The following SCARA5 variants were observed in gnomAD, a reference collection of about 807,000 sequenced individuals.
SCARA5 encodes scavenger receptor class A, member 5 (putative).
SCARA5 carries 45 observed loss-of-function variants against 46.3 expected under a neutral mutation model. The observed-to-expected ratio is 0.97, with a 90% CI of 0.76 to 1.24. The LOEUF (loss-of-function observed/expected upper bound fraction) is 1.24, where lower values mean the gene tolerates loss of function less well. Among genes scored for constraint, SCARA5 ranks in the 50% most tolerant of loss-of-function variants. The pLI, the probability that SCARA5 is intolerant of heterozygous loss-of-function variation, is 0.00. For missense variants in SCARA5, 680 were observed against 689.0 expected, an observed-to-expected ratio of 0.99 and a Z score of 0.15; for synonymous variants, 333 against 306.5, an observed-to-expected ratio of 1.09 and a Z score of -0.90.
At chr8:27,876,473 G>A (rs1806726001) in intron 8 of SCARA5, among the ~76,000 whole-genome samples, 1 of 152,150 alleles carries the variant, frequency 6.6e-6, no homozygotes, top group East Asian at 1.9e-4. Context: ...GAGGGGGAGT[G>A]GTGACAGGGA....
At chr8:27,919,576 G>C (rs886478471) in intron 4 of SCARA5, among the ~76,000 whole-genome samples, 27 of 152,054 alleles carry the variant, frequency 1.8e-4, no homozygotes, top group African/African-American at 5.8e-4. Context: ...TGACATTGCA[G>C]TCTCTACTCC....
intron 1 of SCARA5, among the ~76,000 whole-genome samples, chr8:27,988,469 G>A (rs1808737981): frequency 6.6e-6 from 1 of 152,242 alleles, no homozygotes; most frequent in African/African-American, 2.4e-5. Context: ...CATTTTGTAA[G>A]ACATGCACGC....
At chr8:27,953,402 C>G (rs908822490) in intron 3 of SCARA5, among the ~76,000 whole-genome samples, 15 of 152,230 alleles carry the variant, frequency 9.9e-5, no homozygotes, top group African/African-American at 3.6e-4. Flanking sequence ...TTGCTCTGTC[C>G]AGCCCCTCAG....
At chr8:27,922,311 GAACCCA>G in intron 3 of SCARA5, 66 bp from the exon 4 acceptor site, 1 of 1,213,352 alleles carries the variant, frequency 8.2e-7, no homozygotes, top group Non-Finnish European at 1.1e-6. Context: ...GACAAGAGGC[GAACCCA>G]GTCAGAGCCT....
intron 2 of SCARA5, among the ~76,000 whole-genome samples, chr8:27,983,415 C>A (rs1177663825): frequency 1.3e-5 from 2 of 152,218 alleles, no homozygotes; most frequent in East Asian, 3.9e-4. Flanking sequence ...CCACATGCCT[C>A]CTTGTCTATT....
At chr8:27,930,043 C>T (rs187779005) in intron 3 of SCARA5, among the ~76,000 whole-genome samples, 1 of 152,146 alleles carries the variant, frequency 6.6e-6, no homozygotes, top group Non-Finnish European at 1.5e-5. Flanking sequence ...TATGGTCCCC[C>T]CCAGTCCTGC....
intron 4 of SCARA5, among the ~76,000 whole-genome samples, chr8:27,919,478 T>C (rs1346716108): frequency 6.6e-6 from 1 of 152,048 alleles, no homozygotes; most frequent in Non-Finnish European, 1.5e-5. Context: ...CTGGTTTCGT[T>C]TGAAACAGAG....
intron 3 of SCARA5, 108 bp downstream of exon 3, chr8:27,966,306 T>G (rs1490621006): frequency 1.5e-5 from 17 of 1,165,106 alleles, no homozygotes; most frequent in Non-Finnish European, 2.0e-5. Flanking sequence ...ATGGTTTCCA[T>G]GGTGACAAGG....
intron 7 of SCARA5, among the ~76,000 whole-genome samples, chr8:27,885,011 G>A (rs1806871133): frequency 6.6e-6 from 1 of 151,720 alleles, no homozygotes; most frequent in African/African-American, 2.4e-5. Context: ...AGACAGGGCA[G>A]GCACCATCTT....
Position 27,921,590 on chromosome 8 carries a change from C to G in SCARA5, c.897G>C (p.Arg299=). The change falls in exon 4 of 9, where the codon CGG becomes CGC. Residue 299 remains arginine (R), a synonymous_variant. Coordinates refer to ENST00000354914, the MANE Select transcript of SCARA5 (RefSeq NM_173833.6). ...CGGTACCTTTCGCGAGGGAGATGTT[C>G]CGCAGTGCGATGGAGTGCTCCCAGT... ...LKDWEHSIAL[R]NISLAKGPPG... 1 of 1,562,618 alleles carries G rather than the reference C, an allele frequency of 6.4e-7. No homozygotes were observed. The highest frequency in any genetic ancestry group is 8.7e-7 in the Non-Finnish European group (1 of 1,150,918).
intron 3 of SCARA5, among the ~76,000 whole-genome samples, chr8:27,949,094 G>A (rs1458417632): frequency 6.6e-6 from 1 of 152,258 alleles, no homozygotes; most frequent in African/African-American, 2.4e-5. Context: ...CTTGCTCAGA[G>A]GCTGGTGGTG....
chr8:27,883,190 C>T (rs967184666), intron 7 of SCARA5, among the ~76,000 whole-genome samples: 1 of 152,214 alleles, frequency 6.6e-6, no homozygotes, highest in Non-Finnish European at 1.5e-5. Flanking sequence ...GAGAGCCATT[C>T]CTGAGCATTA....
chr8:27,966,634 T>A (rs1262371390), intron 2 of SCARA5, 92 bp from the exon 3 acceptor site: 3 of 1,351,102 alleles, frequency 2.2e-6, no homozygotes, highest in African/African-American at 2.9e-5. Flanking sequence ...CCCTGATGCA[T>A]GCAGATGTTC....
At chr8:27,951,896 G>T (rs1183904974) in intron 3 of SCARA5, among the ~76,000 whole-genome samples, 1 of 152,186 alleles carries the variant, frequency 6.6e-6, no homozygotes, top group Non-Finnish European at 1.5e-5. Context: ...TGAGCTCCAG[G>T]TGACATGCTC....
intron 2 of SCARA5, among the ~76,000 whole-genome samples, chr8:27,969,527 G>C (rs1186100176): frequency 6.6e-6 from 1 of 152,176 alleles, no homozygotes; most frequent in Admixed American, 6.5e-5. Context: ...GGCGGAGCAC[G>C]GGGGATTTTC....
chr8:27,920,266 T>C (rs1807561668), intron 4 of SCARA5, among the ~76,000 whole-genome samples: 2 of 151,748 alleles, frequency 1.3e-5, no homozygotes, highest in African/African-American at 2.4e-5. Flanking sequence ...AGGCCAGAAG[T>C]TCAAGACCAG....
At chr8:27,966,566 G>A in intron 2 of SCARA5, 24 bp from the exon 3 acceptor site, 1 of 1,582,106 alleles carries the variant, frequency 6.3e-7, no homozygotes, top group South Asian at 1.2e-5. Flanking sequence ...GTAAGAGGAG[G>A]AAGGAAAGAA....
chr8:27,983,659 G>C (rs1158490818), intron 2 of SCARA5, among the ~76,000 whole-genome samples: 1 of 152,172 alleles, frequency 6.6e-6, no homozygotes, highest in Non-Finnish European at 1.5e-5. Context: ...TCCCAGAGGA[G>C]CAAAACACAG....
At chr8:27,966,258 C>A (rs1334629281) in intron 3 of SCARA5, among the ~76,000 whole-genome samples, 156 bp downstream of exon 3, 1 of 152,240 alleles carries the variant, frequency 6.6e-6, no homozygotes, top group African/African-American at 2.4e-5. Context: ...CCACGCAAAA[C>A]AAGCAATACT....
Sources: allele counts gnomAD v4.1 joint callset (sites outside exome capture counted in the v4.1 genomes callset), GRCh38; gene constraint gnomAD v4.1.1; transcripts MANE v1.5; gene names NCBI Gene and HGNC (gene_info 2026-07-23, HGNC 2026-07-21).